The following HMGCLL1 variants were observed in gnomAD, a reference collection of about 807,000 sequenced individuals.
The protein encoded by HMGCLL1 is 3-hydroxymethyl-3-methylglutaryl-CoA lyase, cytoplasmic.
Under a neutral mutation model 39.1 loss-of-function variants are expected in HMGCLL1, and 36 were observed. The observed-to-expected ratio is 0.92, with a 90% CI of 0.71 to 1.22. The LOEUF is 1.22. Among genes scored for constraint, HMGCLL1 ranks in the 50% most tolerant of loss-of-function variants. HMGCLL1 has a pLI of 0.00. For missense variants in HMGCLL1, 451 were observed against 416.5 expected (o/e 1.08, Z -0.72); for synonymous variants, 149 against 144.0 (o/e 1.03, Z -0.25).
At position 55,530,577 on chromosome 6, in the gene HMGCLL1, A is replaced by G. The variant is rs141697252; in HGVS notation, c.297+11152T>C. ...AAATATGTTTTTGATTTACAGGCAT[A>G]CTCTAAATAAAAAACGTATATTCTT... On this transcript the variant is annotated intron_variant, in intron 3 of 8. Transcript: ENST00000274901. Among the ~76,000 whole-genome samples the G allele has an allele frequency of 2.7e-3, 418 of 152,196 alleles. 4 individuals are homozygous for G. The highest frequency in any genetic ancestry group is 8.3e-3 in the African/African-American group (344 of 41,580).
chr6:55,502,029 C>T (rs1766917013), intron 5 of HMGCLL1, among the ~76,000 whole-genome samples: 1 of 151,702 alleles, frequency 6.6e-6, no homozygotes, highest in Non-Finnish European at 1.5e-5. Flanking sequence ...CATCTTATTC[C>T]TTATTTCTGG....
chr6:55,597,552 G>A, the HMGCLL1 span, among the ~76,000 whole-genome samples: 1 of 151,784 alleles, frequency 6.6e-6, no homozygotes, highest in Non-Finnish European at 1.5e-5. Context: ...GGTTGTAAGA[G>A]CTTGGTGCTC....
the HMGCLL1 span, among the ~76,000 whole-genome samples, chr6:55,637,900 A>G: frequency 6.6e-6 from 1 of 152,140 alleles, no homozygotes; most frequent in Non-Finnish European, 1.5e-5. Context: ...GAAGGGCACT[A>G]AGAAAATATG....
the HMGCLL1 span, among the ~76,000 whole-genome samples, chr6:55,663,173 T>G: frequency 6.6e-6 from 1 of 151,788 alleles, no homozygotes; most frequent in African/African-American, 2.4e-5. Context: ...TTTCTTTGTT[T>G]CTCAATCTCC....
At chr6:55,594,305 C>T in the HMGCLL1 span, among the ~76,000 whole-genome samples, 2 of 152,156 alleles carry the variant, frequency 1.3e-5, no homozygotes, top group Non-Finnish European at 2.9e-5. Flanking sequence ...ATTGAGAACA[C>T]ATGTCCCAGT....
chr6:55,662,198 C>G, the HMGCLL1 span, among the ~76,000 whole-genome samples: 3 of 151,706 alleles, frequency 2.0e-5, no homozygotes, highest in South Asian at 2.1e-4. Flanking sequence ...TAACTGATTG[C>G]TCTGGCTAGG....
At chr6:55,452,520 T>C (rs1377272159) in intron 7 of HMGCLL1, among the ~76,000 whole-genome samples, 1 of 152,190 alleles carries the variant, frequency 6.6e-6, no homozygotes, top group Non-Finnish European at 1.5e-5. Flanking sequence ...TCCAGCTTCA[T>C]TCCCTTACCA....
intron 1 of HMGCLL1, among the ~76,000 whole-genome samples, chr6:55,577,914 G>A (rs1340842372): frequency 1.3e-5 from 2 of 152,084 alleles, no homozygotes; most frequent in East Asian, 3.9e-4. Flanking sequence ...TAAGTAACGA[G>A]AAACAAAATA....
chr6:55,474,059 C>T (rs1765171351), intron 7 of HMGCLL1, among the ~76,000 whole-genome samples: 1 of 151,396 alleles, frequency 6.6e-6, no homozygotes, highest in African/African-American at 2.4e-5. Context: ...TGTTTTGTTG[C>T]AGTTTGAATA....
chr6:55,439,703 A>G, intron 7 of HMGCLL1, 144 bp from the exon 8 acceptor site: 1 of 790,152 alleles, frequency 1.3e-6, no homozygotes, highest in Non-Finnish European at 2.0e-6. Context: ...GGCCTCTAGA[A>G]TGGTCCCCAG....
chr6:55,592,011 A>G, the HMGCLL1 span, among the ~76,000 whole-genome samples: 1 of 151,978 alleles, frequency 6.6e-6, no homozygotes, highest in Non-Finnish European at 1.5e-5. Context: ...ATAAAATACT[A>G]ATTTTTATAA....
the HMGCLL1 span, among the ~76,000 whole-genome samples, chr6:55,589,937 T>C: frequency 5.9e-5 from 9 of 152,120 alleles, no homozygotes; most frequent in African/African-American, 2.2e-4. Context: ...TCCATGCTCA[T>C]GGGTAGGAAG....
chr6:55,632,462 A>C, the HMGCLL1 span, among the ~76,000 whole-genome samples: 1 of 151,036 alleles, frequency 6.6e-6, no homozygotes, highest in Admixed American at 6.6e-5. Flanking sequence ...AAAGTTATAT[A>C]TATAATTCAT....
chr6:55,671,219 A>T, the HMGCLL1 span, among the ~76,000 whole-genome samples: 1 of 151,764 alleles, frequency 6.6e-6, no homozygotes, highest in Admixed American at 6.6e-5. Flanking sequence ...TTCTTGGTAA[A>T]AGGAATGTTT....
intron 1 of HMGCLL1, among the ~76,000 whole-genome samples, chr6:55,573,512 AAC>A (rs1484445884): frequency 1.3e-5 from 2 of 152,178 alleles, no homozygotes; most frequent in African/African-American, 4.8e-5. Flanking sequence ...AAATCATAGA[AAC>A]ACTTTAACTC....
chr6:55,497,135 T>C (rs1210548214), intron 6 of HMGCLL1, among the ~76,000 whole-genome samples: 2 of 152,140 alleles, frequency 1.3e-5, no homozygotes, highest in Non-Finnish European at 2.9e-5. Context: ...GGCAGCATGG[T>C]ATTTTGACAA....
intron 7 of HMGCLL1, among the ~76,000 whole-genome samples, chr6:55,441,893 G>A (rs1025980398): frequency 6.6e-6 from 1 of 151,978 alleles, no homozygotes; most frequent in African/African-American, 2.4e-5. Context: ...GTTTCACTAT[G>A]TTGGCCAGGC....
chr6:55,550,357 C>T (rs1770260897), intron 1 of HMGCLL1, among the ~76,000 whole-genome samples: 1 of 151,868 alleles, frequency 6.6e-6, no homozygotes, highest in Non-Finnish European at 1.5e-5. Flanking sequence ...GCTACAGCGC[C>T]ACTTTATCCA....
intron 3 of HMGCLL1, among the ~76,000 whole-genome samples, chr6:55,528,459 AT>A (rs1274458857): frequency 2.0e-5 from 3 of 152,048 alleles, no homozygotes; most frequent in Middle Eastern, 3.2e-3. Flanking sequence ...CCAGTTATGA[AT>A]AGCACTGTAG....
Sources: allele counts gnomAD v4.1 joint callset (sites outside exome capture counted in the v4.1 genomes callset), GRCh38; gene constraint gnomAD v4.1.1; transcripts MANE v1.5; gene names NCBI Gene and HGNC (gene_info 2026-07-23, HGNC 2026-07-21).